The following RIPOR3 variants were observed in gnomAD, a reference collection of about 807,000 sequenced individuals.
RIPOR3 encodes the protein family with sequence similarity 65 member C.
In RIPOR3, 95 loss-of-function variants were observed where a neutral mutation model predicts 114.3. The observed-to-expected ratio is 0.83, with a 90% CI of 0.70 to 0.99. The LOEUF is 0.99. Among genes scored for constraint, RIPOR3 ranks in the 50% least tolerant of loss-of-function variants. RIPOR3 has a pLI of 0.00. For synonymous variants in RIPOR3, 575 were observed against 543.8 expected (o/e 1.06, Z -0.80); for missense variants, 1,252 against 1,266.9 (o/e 0.99, Z 0.18).
intron 1 of RIPOR3, among the ~76,000 whole-genome samples, chr20:50,673,246 C>T (rs867202117): frequency 2.1e-4 from 32 of 152,196 alleles, no homozygotes; most frequent in Admixed American, 1.0e-3. Flanking sequence ...AGGTGCCACG[C>T]GCCCATGCAA....
chr20:50,602,555 GAGGTCGCTGTCAGAC>G lies in RIPOR3; in HGVS notation c.1161_1175del (p.Ser388_Leu392del). 1.3e-6 allele frequency: 2 copies of G among 1,548,150 alleles called. No individual in the cohort carries two copies. Among genetic ancestry groups the G allele is most frequent in the Non-Finnish European group, 1.7e-6 (2 of 1,148,242 alleles). ...TCTGGCTTCTTAGGCTGGGACCCCG[GAGGTCGCTGTCAGAC>G]AGGTAGCTGAGGATGGAGGTGGCCC... is the stretch of plus-strand genomic sequence containing the variant. On this transcript the variant is annotated inframe_deletion, in exon 13 of 22. Transcript: ENST00000327979. The surrounding 1 kb of genome is among the most constrained non-coding windows in gnomAD (Gnocchi z 4.3).
At chr20:50,606,784 C>T (rs1011015420) in intron 11 of RIPOR3, among the ~76,000 whole-genome samples, 2 of 151,452 alleles carry the variant, frequency 1.3e-5, no homozygotes, top group Admixed American at 6.6e-5. Context: ...GGCTGGAGTG[C>T]GGTGGCGCCA....
At chr20:50,656,254 G>A (rs1416963717) in intron 1 of RIPOR3, among the ~76,000 whole-genome samples, 1 of 151,786 alleles carries the variant, frequency 6.6e-6, no homozygotes, top group African/African-American at 2.4e-5. Flanking sequence ...GGAGTCGAGG[G>A]GCCTGGGTTT....
At chr20:50,640,619 C>A (rs2085156710) in intron 1 of RIPOR3, among the ~76,000 whole-genome samples, 1 of 148,548 alleles carries the variant, frequency 6.7e-6, no homozygotes, top group Non-Finnish European at 1.5e-5. Context: ...ATCTCGGGGA[C>A]ACAGACCCTG....
rs567746262 is a variant in RIPOR3 at position 50,599,455 on chromosome 20, C to T, written c.1660-1745G>A. On this transcript the variant is annotated intron_variant, in intron 13 of 21. Coordinates refer to ENST00000327979, the MANE Select transcript of RIPOR3 (RefSeq NM_001290268.2). ...TAACATTGAACTCAACAGCCAGCATCGCTACAACTCATGCCTGAAGGAAGC... is the reference window on the plus strand; with the variant it reads ...TAACATTGAACTCAACAGCCAGCATTGCTACAACTCATGCCTGAAGGAAGC... 1.2e-4 allele frequency among the ~76,000 whole-genome samples: 18 copies of T among 152,212 alleles called. No homozygotes were observed. In the South Asian group the frequency reaches 3.3e-3, roughly 28 times the overall value.
chr20:50,615,108 A>AGTGTGAGTGTGTGTGT (rs1555848703), intron 4 of RIPOR3, among the ~76,000 whole-genome samples: 1 of 138,414 alleles, frequency 7.2e-6, no homozygotes, highest in Non-Finnish European at 1.5e-5. Flanking sequence ...GCTATTTGTG[A>AGTGTGAGTGTGTGTGT]GTGTGTGTGT....
intron 2 of RIPOR3, chr20:50,620,626 TAAAAATAAATAAATAAATAA>T: frequency 6.0e-6 from 1 of 166,396 alleles, no homozygotes. Context: ...GACTCAGTCT[TAAAAATAAATAAATAAATAA>T]ATAAATAAAT....
chr20:50,640,558 CT>C (rs2085152960), intron 1 of RIPOR3, among the ~76,000 whole-genome samples: 1 of 150,222 alleles, frequency 6.7e-6, no homozygotes, highest in Non-Finnish European at 1.5e-5. Context: ...CTCCAAAGCA[CT>C]CTTCGGCCAA....
At chr20:50,612,079 C>G (rs538293194) in intron 4 of RIPOR3, among the ~76,000 whole-genome samples, 1 of 149,878 alleles carries the variant, frequency 6.7e-6, no homozygotes, top group Non-Finnish European at 1.5e-5. Context: ...GATCTAAGAC[C>G]GTGCCACTGT....
intron 1 of RIPOR3, among the ~76,000 whole-genome samples, chr20:50,666,219 T>TCTCTTCTC: frequency 1.7e-5 from 2 of 119,678 alleles, no homozygotes; most frequent in African/African-American, 7.2e-5. Context: ...TTTCTTTTCT[T>TCTCTTCTC]TTCTTTTTTG....
intron 1 of RIPOR3, among the ~76,000 whole-genome samples, chr20:50,648,120 A>T (rs1251359936): frequency 6.6e-6 from 1 of 151,796 alleles, no homozygotes; most frequent in African/African-American, 2.4e-5. Flanking sequence ...TACTAAAAAT[A>T]TAAAAATTAG....
In RIPOR3 at chr20:50,594,685, AC is replaced by A; in HGVS notation, c.2079del (p.Cys694AlafsTer2). The stretch of plus-strand genomic sequence containing the variant: ...GTGCACCCTCTCCACAGCTTCAGGC[AC>A]CCCTTCGTCCGCGAGGCCTGTGGGA... ...EIIPQASRTK[G>X]CLKLWRGCTG... On this transcript the variant is annotated frameshift_variant, in exon 17 of 22. Coordinates refer to ENST00000327979, the MANE Select transcript of RIPOR3 (RefSeq NM_001290268.2). LOFTEE classifies it high-confidence loss of function. 6.2e-7 allele frequency: 1 copy of A among 1,612,472 alleles called. No individual in the cohort carries two copies. Among genetic ancestry groups the A allele is most frequent in the African/African-American group, 1.3e-5 (1 of 74,962 alleles).
chr20:50,631,746 G>A (rs761237216), intron 1 of RIPOR3, among the ~76,000 whole-genome samples: 26 of 152,362 alleles, frequency 1.7e-4, no homozygotes, highest in African/African-American at 3.4e-4. Context: ...AGCCCTGGCT[G>A]TCTTCTCTTT....
chr20:50,587,383 C>G (rs1409590745), intron 21 of RIPOR3, 51 bp from the exon 22 acceptor site: 4 of 1,514,074 alleles, frequency 2.6e-6, no homozygotes, highest in Non-Finnish European at 3.7e-6. Context: ...CTTGGCACTT[C>G]CAACTCTCCT....
chr20:50,596,289 C>T (rs1193079257), intron 14 of RIPOR3, 26 bp from the exon 15 acceptor site: 1 of 1,613,730 alleles, frequency 6.2e-7, no homozygotes, highest in African/African-American at 1.3e-5. Context: ...AACTGGGTGA[C>T]CATTCCAGTT....
In RIPOR3 at chr20:50,586,134, A is replaced by G; in HGVS notation, c.*1098T>C. ...TTTGGGTAAAAAGTGAAACACCAAT[A>G]GTTTAATTGAAATTTCAGAAAATTG... On this transcript the variant is annotated 3_prime_UTR_variant, in exon 22 of 22. Coordinates refer to ENST00000327979, the MANE Select transcript of RIPOR3 (RefSeq NM_001290268.2). The G allele has an allele frequency of 6.4e-6, 1 of 157,444 alleles. No individual in the cohort carries two copies. The highest frequency in any genetic ancestry group is 1.4e-5 in the Non-Finnish European group (1 of 70,788). The allele number at this position is 157,444 out of a possible 1,614,324, so 9.8% of individuals were successfully genotyped here. A position where few individuals can be genotyped will look rare whatever the true frequency, so the allele number is the denominator to read the frequency against.
chr20:50,680,358 G>A (rs1600766204), intron 1 of RIPOR3, among the ~76,000 whole-genome samples: 1 of 152,208 alleles, frequency 6.6e-6, no homozygotes, highest in South Asian at 2.1e-4. Context: ...TTCACGGTTG[G>A]GGGTGGAGGA....
At chr20:50,610,030 A>ACCTGCCACCCCTGCCTCCCCTGCCTCC (rs1568854897) in intron 6 of RIPOR3, among the ~76,000 whole-genome samples, 2 of 29,582 alleles carry the variant, frequency 6.8e-5, no homozygotes, top group Non-Finnish European at 1.3e-4. Context: ...CCCCTGCCTC[A>ACCTGCCACCCCTGCCTCCCCTGCCTCC]CCTGCCACCC....
rs368515447 is a variant in RIPOR3, at chr20:50,598,906, GA to G, written c.1660-1197del. Among the ~76,000 whole-genome samples, 282 of 119,564 alleles carry G rather than the reference GA, an allele frequency of 2.4e-3. 1 individual carries two copies. The highest frequency in any genetic ancestry group is 8.1e-3 in the African/African-American group (217 of 26,844). The allele number at this position is 119,564 out of a possible 152,430, so 78.4% of individuals were successfully genotyped here. ...AGCGACAGAGCAAGACTCCATCTCA[GA>G]AAAAAAAAAAAAAAGGAGGGGGTTA... is the stretch of plus-strand genomic sequence containing the variant. On this transcript the variant is annotated intron_variant, in intron 13 of 21. Coordinates refer to ENST00000327979, the MANE Select transcript of RIPOR3 (RefSeq NM_001290268.2).
Sources: gnomAD v4.1 joint callset for allele counts (sites outside exome capture counted in the v4.1 genomes callset) on GRCh38, gnomAD v4.1.1 for gene constraint, Gnocchi (gnomAD v3.1) non-coding constraint, MANE v1.5 for transcripts, NCBI Gene and HGNC (gene_info 2026-07-23, HGNC 2026-07-21) for gene names.